AFF3: variants seen among roughly 807,000 people sequenced by gnomAD.
The protein encoded by AFF3 is ALF transcription elongation factor 3.
AFF3 carries 32 observed loss-of-function variants against 129.7 expected under a neutral mutation model. That is an observed-to-expected ratio of 0.25 (90% CI 0.19 to 0.33). The LOEUF is 0.33. Among genes scored for constraint, AFF3 ranks in the 10% least tolerant of loss-of-function variants. The pLI, the probability that AFF3 is intolerant of heterozygous loss-of-function variation, is 1.00. For synonymous variants in AFF3, 644 were observed against 635.4 expected (o/e 1.01, Z -0.20); for missense variants, 1,373 against 1,592.0 (o/e 0.86, Z 2.34).
intron 7 of AFF3, among the ~76,000 whole-genome samples, chr2:99,957,522 C>T (rs913183441): frequency 6.6e-6 from 1 of 152,054 alleles, no homozygotes; most frequent in Non-Finnish European, 1.5e-5. Flanking sequence ...CAAAATGACA[C>T]GGTGCAGTCA....
rs1187668912 is a variant in AFF3, at chr2:99,600,309, T to C, written c.1371+1126A>G. 2.0e-5 allele frequency among the ~76,000 whole-genome samples: 3 copies of C among 151,844 alleles called. No homozygotes were observed. The South Asian group carries it at 6.3e-4, about 32-fold the overall frequency. On this transcript the variant is annotated intron_variant, in intron 14 of 24. Transcript: ENST00000672756. Reference sequence around the variant, plus strand: ...ATGAGGAGTGTGGGGAAACAAAATGTCCCTGATTTCACAGTGCTCCTGCAA... The same window carrying C: ...ATGAGGAGTGTGGGGAAACAAAATGCCCCTGATTTCACAGTGCTCCTGCAA...
intron 13 of AFF3, among the ~76,000 whole-genome samples, chr2:99,629,833 C>G (rs1404478043): frequency 2.0e-5 from 3 of 152,118 alleles, no homozygotes; most frequent in Non-Finnish European, 4.4e-5. Flanking sequence ...CTTATAAGGG[C>G]TCTGATCCCA....
At position 100,105,596 on chromosome 2, in the gene AFF3, T is replaced by TA. The variant is rs754804023; in HGVS notation, c.-144-14dup. On this transcript the variant is annotated splice_polypyrimidine_tract_variant and intron_variant, in intron 2 of 24. Coordinates refer to ENST00000672756, the MANE Select transcript of AFF3 (RefSeq NM_001386135.1). ...GGCAGGTGATCAGCTAGAAGGGTGA[T>TA]AAGAGTATCATCGTGGCTCCTAAAG... 40 of 1,334,834 alleles carry TA rather than the reference T, an allele frequency of 3.0e-5. No individual in the cohort carries two copies. The Middle Eastern group carries it at 1.0e-3, about 34-fold the overall frequency. 82.7% of individuals were successfully genotyped at this position (1,334,834 alleles called of 1,614,324 possible). A position where few individuals can be genotyped will look rare whatever the true frequency, so the allele number is the denominator to read the frequency against.
Position 99,810,512 on chromosome 2 carries a change from G to A in AFF3, c.921+26965C>T, listed in dbSNP as rs924559085. ...GATTAGTACAAATACCTGGGCAAAC[G>A]TGCCACCCGCAGAAGCATTAGGTTC... On this transcript the variant is annotated intron_variant, in intron 8 of 24. Coordinates refer to ENST00000672756, the MANE Select transcript of AFF3 (RefSeq NM_001386135.1). 1.6e-4 allele frequency among the ~76,000 whole-genome samples: 24 copies of A among 152,332 alleles called. 1 individual carries two copies. The Middle Eastern group carries it at 0.01, about 65-fold the overall frequency.
intron 1 of AFF3, among the ~76,000 whole-genome samples, chr2:100,138,069 C>T (rs115447873): frequency 2.2e-4 from 33 of 152,308 alleles, no homozygotes; most frequent in African/African-American, 7.9e-4. Context: ...ACAAGCCAGC[C>T]TCCACTCAGA....
chr2:100,010,438 T>G (rs1029806890), intron 4 of AFF3, among the ~76,000 whole-genome samples: 1 of 152,182 alleles, frequency 6.6e-6, no homozygotes, highest in Non-Finnish European at 1.5e-5. Flanking sequence ...TAAACATGCT[T>G]CTGGCAAGGC....
chr2:99,750,354 A>T (rs1453549385), intron 9 of AFF3, among the ~76,000 whole-genome samples: 1 of 152,160 alleles, frequency 6.6e-6, no homozygotes, highest in Non-Finnish European at 1.5e-5. Flanking sequence ...ACACACTGAT[A>T]AAAAACCCAG....
intron 11 of AFF3, among the ~76,000 whole-genome samples, chr2:99,721,147 T>C (rs1678852604): frequency 6.6e-6 from 1 of 152,240 alleles, no homozygotes; most frequent in African/African-American, 2.4e-5. Flanking sequence ...TTTATTGTAG[T>C]GTAGGCCTAC....
At chr2:99,934,701 C>G (rs1250853967) in intron 7 of AFF3, among the ~76,000 whole-genome samples, 1 of 152,220 alleles carries the variant, frequency 6.6e-6, no homozygotes, top group African/African-American at 2.4e-5. Flanking sequence ...CACTTCCACC[C>G]TTGCTCAGCC....
chr2:100,094,023 G>A (rs1432169901), intron 4 of AFF3, among the ~76,000 whole-genome samples: 2 of 152,216 alleles, frequency 1.3e-5, no homozygotes, highest in Non-Finnish European at 2.9e-5. Flanking sequence ...CTATTTCCTC[G>A]AGATGACAGA....
intron 7 of AFF3, among the ~76,000 whole-genome samples, chr2:99,952,564 A>G (rs1226206510): frequency 6.6e-6 from 1 of 152,048 alleles, no homozygotes; most frequent in Non-Finnish European, 1.5e-5. Context: ...TCTTCCTTCC[A>G]TGACTGCCAG....
At chr2:99,889,112 CTT>C (rs1693343762) in intron 7 of AFF3, among the ~76,000 whole-genome samples, 1 of 152,120 alleles carries the variant, frequency 6.6e-6, no homozygotes, top group South Asian at 2.1e-4. Context: ...CTTTCTTTTT[CTT>C]ATATTCTAGA....
Position 99,821,084 on chromosome 2 carries a change from G to C in AFF3, c.921+16393C>G, listed in dbSNP as rs141537207. 3.4e-3 allele frequency among the ~76,000 whole-genome samples: 514 copies of C among 152,076 alleles called. 4 individuals carry two copies. The highest frequency in any genetic ancestry group is 0.012 in the African/African-American group (487 of 41,484). ...GACGGCGTTTCCTCATGTTGGCCAG[G>C]CTGGTCTCCAGCTCCTGATGTCAAG... is the stretch of plus-strand genomic sequence containing the variant. On this transcript the variant is annotated intron_variant, in intron 8 of 24. Coordinates refer to ENST00000672756, the MANE Select transcript of AFF3 (RefSeq NM_001386135.1).
At chr2:99,735,040 T>A (rs1680135644) in intron 10 of AFF3, among the ~76,000 whole-genome samples, 1 of 152,208 alleles carries the variant, frequency 6.6e-6, no homozygotes, top group Non-Finnish European at 1.5e-5. Context: ...GGCCAATTGT[T>A]AAAACGGCTA....
intron 2 of AFF3, among the ~76,000 whole-genome samples, chr2:100,112,093 A>G (rs1691530702): frequency 6.6e-6 from 1 of 152,184 alleles, no homozygotes; most frequent in East Asian, 1.9e-4. Context: ...AACTCCTTCT[A>G]TTGGTCCTCC....
intron 13 of AFF3, among the ~76,000 whole-genome samples, chr2:99,617,112 T>C (rs190134725): frequency 6.6e-6 from 1 of 152,388 alleles, no homozygotes; most frequent in East Asian, 1.9e-4. Flanking sequence ...AATGCCACTA[T>C]GAGCATTCAT....
At chr2:99,632,383 T>C (rs1325698182) in intron 13 of AFF3, among the ~76,000 whole-genome samples, 2 of 152,140 alleles carry the variant, frequency 1.3e-5, no homozygotes, top group African/African-American at 4.8e-5. Flanking sequence ...TGAGTTTCAG[T>C]TTGAGAAAAT....
rs374781189 is a variant in AFF3, at chr2:99,598,163, C to T, written c.1371+3272G>A. Among the ~76,000 whole-genome samples the T allele has an allele frequency of 3.9e-5, 6 of 152,230 alleles. 1 individual carries two copies. Among genetic ancestry groups the T allele is most frequent in the African/African-American group, 2.4e-5 (1 of 41,528 alleles). ...CAATAGTAAGGGTTGCGTGATGATT[C>T]GATAGGTAAAGAGGTGGAATCAACC... On this transcript the variant is annotated intron_variant, in intron 14 of 24. Coordinates refer to ENST00000672756, the MANE Select transcript of AFF3 (RefSeq NM_001386135.1).
At chr2:99,679,314 G>A (rs1674305774) in intron 11 of AFF3, among the ~76,000 whole-genome samples, 1 of 152,132 alleles carries the variant, frequency 6.6e-6, no homozygotes, top group Non-Finnish European at 1.5e-5. Flanking sequence ...TGAACCTGGG[G>A]TGAAGGTGCA....
Sources: allele counts gnomAD v4.1 joint callset (sites outside exome capture counted in the v4.1 genomes callset), GRCh38; gene constraint gnomAD v4.1.1; transcripts MANE v1.5; gene names NCBI Gene and HGNC (gene_info 2026-07-23, HGNC 2026-07-21).